HK1: variants seen among roughly 807,000 people sequenced by gnomAD.
HK1 encodes the protein hexokinase 1.
In HK1, 28 loss-of-function variants were observed where a neutral mutation model predicts 91.6. The observed-to-expected ratio is 0.31, with a 90% CI of 0.23 to 0.42. The LOEUF is 0.42. Ranked by LOEUF, HK1 falls within the 10% of genes least tolerant of loss-of-function variation. The pLI is 1.00. For synonymous variants in HK1, 430 were observed against 468.1 expected, an observed-to-expected ratio of 0.92 and a Z score of 1.05; for missense variants, 770 against 1,219.8, an observed-to-expected ratio of 0.63 and a Z score of 5.49.
chr10:69,362,250 A>C (rs977939055), intron 3 of HK1, among the ~76,000 whole-genome samples: 3 of 151,818 alleles, frequency 2.0e-5, no homozygotes, highest in African/African-American at 7.3e-5. Flanking sequence ...TTATTAAAAA[A>C]ATTTTTTTTT....
rs905364212 is a variant in HK1 at position 69,386,219 on chromosome 10, G to T, written c.1840-104G>T. The T allele has an allele frequency of 2.3e-5, 19 of 844,438 alleles. No individual in the cohort carries two copies. The East Asian group carries it at 5.0e-4, about 22-fold the overall frequency. The allele number at this position is 844,438 out of a possible 1,614,324, so 52.3% of individuals were successfully genotyped here. ...ATGTTTGAACTCCGTCTCCGATGTTGTAAGCCCTCAGCAGTTGTTGACTCA... is the reference window on the plus strand; with the variant it reads ...ATGTTTGAACTCCGTCTCCGATGTTTTAAGCCCTCAGCAGTTGTTGACTCA... On this transcript the variant is annotated intron_variant, in intron 12 of 17. Coordinates refer to ENST00000359426, the MANE Select transcript of HK1 (RefSeq NM_000188.3).
chr10:69,318,304 C>T (rs1308663963), upstream of HK1: 2 of 858,380 alleles, frequency 2.3e-6, no homozygotes, highest in Non-Finnish European at 2.8e-6. Flanking sequence ...GTAGCGTCCC[C>T]GGCTCCCGCT....
intron 2 of HK1, among the ~76,000 whole-genome samples, chr10:69,358,405 G>A (rs1849240342): frequency 6.6e-6 from 1 of 152,210 alleles, no homozygotes; most frequent in East Asian, 1.9e-4. Context: ...CCCGAGGGAG[G>A]TAACCATAGC....
rs1839443345 is a variant in HK1 at position 69,382,553 on chromosome 10, C to G, written c.1332C>G (p.Leu444=). 6.2e-7 allele frequency: 1 copy of G among 1,614,106 alleles called. No homozygotes were observed. The highest frequency in any genetic ancestry group is 1.3e-5 in the African/African-American group (1 of 74,936). ...CAGACTCCGATGTGCGCTTCCTCCT[C>G]TCGGAGAGTGGCAGCGGCAAGGGGG... ...LVPDSDVRFL[L]SESGSGKGAA... is the part of the protein sequence containing the mutation. The change falls in exon 10 of 18, where the codon CTC becomes CTG. Residue 444 remains leucine, a synonymous_variant. Coordinates refer to ENST00000359426, the MANE Select transcript of HK1 (RefSeq NM_000188.3).
At chr10:69,328,648 A>G (rs1410086090) in intron 1 of HK1, among the ~76,000 whole-genome samples, 1 of 152,194 alleles carries the variant, frequency 6.6e-6, no homozygotes, top group Admixed American at 6.5e-5. Flanking sequence ...CAATTGAGTT[A>G]TAATTCACCT....
intron 1 of HK1, chr10:69,338,786 T>A: frequency 1.0e-6 from 1 of 979,470 alleles, no homozygotes; most frequent in Non-Finnish European, 1.4e-6. Flanking sequence ...AGTGTGTGTG[T>A]GTAGAGAGAG....
intron 1 of HK1, among the ~76,000 whole-genome samples, chr10:69,279,573 A>G (rs917899381): frequency 2.0e-5 from 3 of 152,206 alleles, no homozygotes; most frequent in Non-Finnish European, 4.4e-5. Flanking sequence ...GGGGAACCTC[A>G]GAATGACCCA....
chr10:69,378,067 G>C (rs1839205366), intron 8 of HK1, among the ~76,000 whole-genome samples: 1 of 152,192 alleles, frequency 6.6e-6, no homozygotes, highest in South Asian at 2.1e-4. Context: ...CCAAATCCAT[G>C]TGCTGGAGTT....
intron 7 of HK1, among the ~76,000 whole-genome samples, chr10:69,373,149 G>A (rs897779385): frequency 1.3e-5 from 2 of 152,186 alleles, no homozygotes; most frequent in African/African-American, 4.8e-5. Context: ...GATTACAGAC[G>A]TGAGCCCCCG....
At chr10:69,331,284 T>G (rs1307601647) in intron 1 of HK1, among the ~76,000 whole-genome samples, 1 of 152,248 alleles carries the variant, frequency 6.6e-6, no homozygotes, top group African/African-American at 2.4e-5. Flanking sequence ...CTGTCTTTTG[T>G]TATAGGGGCC....
chr10:69,347,428 A>G (rs1848618677), intron 2 of HK1, among the ~76,000 whole-genome samples: 1 of 150,398 alleles, frequency 6.6e-6, no homozygotes, highest in African/African-American at 2.5e-5. Flanking sequence ...TGGAAATTGA[A>G]TAGGAGACAG....
chr10:69,389,696 C>G (rs4745986), intron 14 of HK1, among the ~76,000 whole-genome samples: 29,818 of 151,400 alleles, frequency 0.2, 2,918 homozygotes, highest in Non-Finnish European at 0.2. Context: ...AGGGAGTCTG[C>G]GGCTGGAAAG....
intron 15 of HK1, among the ~76,000 whole-genome samples, chr10:69,393,450 CCACGCCCAGCTAGTTT>C (rs1231478778): frequency 1.3e-5 from 2 of 152,108 alleles, no homozygotes; most frequent in Non-Finnish European, 2.9e-5. Flanking sequence ...GTGCACGGCA[CCACGCCCAGCTAGTTT>C]TTGTATTTTT....
intron 1 of HK1, among the ~76,000 whole-genome samples, chr10:69,280,418 G>A (rs1291063657): frequency 1.3e-5 from 2 of 152,166 alleles, no homozygotes; most frequent in Non-Finnish European, 1.5e-5. Flanking sequence ...CGCCCAGCCC[G>A]GAAAAGGTTT....
intron 17 of HK1, among the ~76,000 whole-genome samples, chr10:69,399,215 TAAGA>T (rs1476960428): frequency 2.0e-5 from 3 of 152,080 alleles, no homozygotes; most frequent in East Asian, 3.9e-4. Context: ...GAGAGGATAT[TAAGA>T]AAGGGGAGGA....
At chr10:69,330,416 G>A (rs1847649104) in intron 1 of HK1, among the ~76,000 whole-genome samples, 1 of 152,034 alleles carries the variant, frequency 6.6e-6, no homozygotes, top group Admixed American at 6.5e-5. Context: ...CCAGGAAGTG[G>A]AATTCATGTG....
intron 1 of HK1, among the ~76,000 whole-genome samples, chr10:69,343,313 A>T (rs960769071): frequency 1.3e-5 from 2 of 152,136 alleles, no homozygotes; most frequent in African/African-American, 4.8e-5. Context: ...TCTCATTTGA[A>T]CTTGTCCTAT....
intron 2 of HK1, among the ~76,000 whole-genome samples, chr10:69,282,976 A>AT (rs1242373295): frequency 7.3e-6 from 1 of 137,868 alleles, no homozygotes; most frequent in African/African-American, 2.6e-5. Flanking sequence ...AAAAAAAAAA[A>AT]TTAGCTGGGT....
At chr10:69,274,913 C>A (rs1564745886) in intron 1 of HK1, among the ~76,000 whole-genome samples, 1 of 152,010 alleles carries the variant, frequency 6.6e-6, no homozygotes, top group Non-Finnish European at 1.5e-5. Flanking sequence ...CTAATCTCCC[C>A]CAACCCATGC....
Sources: allele counts gnomAD v4.1 joint callset (sites outside exome capture counted in the v4.1 genomes callset), GRCh38; gene constraint gnomAD v4.1.1; transcripts MANE v1.5; gene names NCBI Gene and HGNC (gene_info 2026-07-23, HGNC 2026-07-21).